Variants in MSRA observed in about 807,000 individuals in gnomAD.
The protein encoded by MSRA is methionine sulfoxide reductase A.
Under a neutral mutation model 31.3 loss-of-function variants are expected in MSRA, and 54 were observed. The observed-to-expected ratio is 1.73, with a 90% CI of 1.39 to 2.17. MSRA has a LOEUF of 2.17. MSRA is among the 30% of genes most tolerant of loss of function. The pLI, the probability that MSRA is intolerant of heterozygous loss-of-function variation, is 0.00. For synonymous variants in MSRA, 169 were observed against 116.5 expected (o/e 1.45, Z -2.90); for missense variants, 507 against 300.9 (o/e 1.69, Z -5.07).
intron 3 of MSRA, chr8:10,250,581 T>G: frequency 1.5e-6 from 1 of 667,578 alleles, no homozygotes; most frequent in Non-Finnish European, 2.7e-6. Flanking sequence ...AGACATTTCC[T>G]TATCAACAGA....
Position 10,301,605 on chromosome 8 carries a change from A to T in MSRA, c.403A>T (p.Lys135Ter). Residue 135 changes from lysine to a stop codon, truncating the protein, a stop_gained, in exon 4 of 6, where the codon AAG becomes TAG. Transcript: ENST00000317173. LOFTEE classifies it high-confidence loss of function. ...ACACATGAGTTTTGAGGAACTGCTC[A>T]AGGTCTTCTGGGAGAATCACGACCC... ...PEHMSFEELL[K>*]VFWENHDPTQ... is the part of the protein sequence containing the mutation. 6.2e-7 allele frequency: 1 copy of T among 1,614,168 alleles called. No individual in the cohort carries two copies. Among genetic ancestry groups the T allele is most frequent in the Non-Finnish European group, 8.5e-7 (1 of 1,180,028 alleles).
intron 5 of MSRA, among the ~76,000 whole-genome samples, chr8:10,355,222 A>C (rs529261813): frequency 6.6e-6 from 1 of 152,212 alleles, no homozygotes; most frequent in Non-Finnish European, 1.5e-5. Flanking sequence ...CCCAGAGGCC[A>C]TGGCAGTTTG....
At chr8:10,289,813 G>A (rs577012105) in intron 3 of MSRA, among the ~76,000 whole-genome samples, 4 of 152,260 alleles carry the variant, frequency 2.6e-5, no homozygotes, top group South Asian at 2.1e-4. Context: ...TTGGAGAGCC[G>A]TCCATGTTGT....
chr8:10,424,745 G>A (rs1370470448), intron 5 of MSRA, among the ~76,000 whole-genome samples: 1 of 152,208 alleles, frequency 6.6e-6, no homozygotes, highest in African/African-American at 2.4e-5. Context: ...CCCCTCCTGG[G>A]TTAGGGGAGG....
intron 3 of MSRA, among the ~76,000 whole-genome samples, chr8:10,292,310 C>T (rs768909573): frequency 1.3e-5 from 2 of 152,180 alleles, no homozygotes; most frequent in Non-Finnish European, 2.9e-5. Context: ...TCCTCCGGCC[C>T]ATACGTCTTT....
chr8:10,174,302 G>A (rs1805847991), intron 1 of MSRA, among the ~76,000 whole-genome samples: 1 of 152,150 alleles, frequency 6.6e-6, no homozygotes, highest in South Asian at 2.1e-4. Context: ...CTGACAGCTA[G>A]AAAAGAGAAG....
At chr8:10,327,117 G>A (rs1367340548) in intron 5 of MSRA, among the ~76,000 whole-genome samples, 5 of 152,112 alleles carry the variant, frequency 3.3e-5, no homozygotes, top group Admixed American at 2.6e-4. Flanking sequence ...GTTTTCCTTT[G>A]TATATATTTT....
intron 5 of MSRA, among the ~76,000 whole-genome samples, chr8:10,341,870 A>G (rs1585527334): frequency 1.3e-5 from 2 of 152,350 alleles, no homozygotes; most frequent in East Asian, 3.9e-4. Context: ...TCAGCTGTTG[A>G]TGAGGAAGGC....
At chr8:10,225,932 C>G (rs1014922839) in intron 2 of MSRA, among the ~76,000 whole-genome samples, 6 of 152,138 alleles carry the variant, frequency 3.9e-5, no homozygotes, top group African/African-American at 1.4e-4. Context: ...GCCAGAAAGA[C>G]GTAAGGTGTA....
At chr8:10,109,933 C>T (rs1800157692) in intron 1 of MSRA, among the ~76,000 whole-genome samples, 1 of 152,140 alleles carries the variant, frequency 6.6e-6, no homozygotes, top group South Asian at 2.1e-4. Context: ...TCAGTTGCCA[C>T]AGTTTTTGGT....
At chr8:10,063,498 C>G (rs1363041285) in intron 1 of MSRA, among the ~76,000 whole-genome samples, 1 of 152,194 alleles carries the variant, frequency 6.6e-6, no homozygotes, top group Non-Finnish European at 1.5e-5. Context: ...TCCTTCCTTG[C>G]AGGTTGCTAT....
At chr8:10,380,640 T>C (rs1806011588) in intron 5 of MSRA, among the ~76,000 whole-genome samples, 4 of 152,238 alleles carry the variant, frequency 2.6e-5, no homozygotes, top group Non-Finnish European at 2.9e-5. Context: ...TTTTTTCATC[T>C]TTATGTCTCT....
chr8:10,396,258 G>C (rs1461840535), intron 5 of MSRA, among the ~76,000 whole-genome samples: 1 of 152,154 alleles, frequency 6.6e-6, no homozygotes, highest in Non-Finnish European at 1.5e-5. Flanking sequence ...CCGTTCTCAG[G>C]TGCACTGTCT....
intron 2 of MSRA, among the ~76,000 whole-genome samples, chr8:10,219,378 G>A (rs1810282009): frequency 6.6e-6 from 1 of 152,184 alleles, no homozygotes; most frequent in South Asian, 2.1e-4. Context: ...GGGGATTCAA[G>A]AAGGGGAGAT....
At chr8:10,355,611 G>C (rs967358689) in intron 5 of MSRA, among the ~76,000 whole-genome samples, 2 of 152,178 alleles carry the variant, frequency 1.3e-5, no homozygotes, top group Admixed American at 6.5e-5. Flanking sequence ...GGGAAGGCCT[G>C]TCCCTCTGTG....
At chr8:10,142,461 C>A (rs1434787817) in intron 1 of MSRA, among the ~76,000 whole-genome samples, 1 of 152,218 alleles carries the variant, frequency 6.6e-6, no homozygotes, top group Admixed American at 6.5e-5. Context: ...CACTGCCCTT[C>A]AGTGGTTTAA....
intron 1 of MSRA, among the ~76,000 whole-genome samples, chr8:10,169,593 A>G (rs1805427602): frequency 6.6e-6 from 1 of 152,360 alleles, no homozygotes. Flanking sequence ...CAAAAACCAG[A>G]AGCCATAAAA....
intron 5 of MSRA, among the ~76,000 whole-genome samples, chr8:10,356,376 A>G (rs1462656601): frequency 6.6e-6 from 1 of 152,212 alleles, no homozygotes; most frequent in Non-Finnish European, 1.5e-5. Context: ...TTGTTACTGC[A>G]TAACTTTGCT....
chr8:10,185,221 G>A (rs1806915925), intron 1 of MSRA, among the ~76,000 whole-genome samples: 1 of 152,134 alleles, frequency 6.6e-6, no homozygotes, highest in Admixed American at 6.5e-5. Context: ...TGTCTGCAAG[G>A]GGCATTTCAT....
Sources: allele counts gnomAD v4.1 joint callset (sites outside exome capture counted in the v4.1 genomes callset), GRCh38; gene constraint gnomAD v4.1.1; transcripts MANE v1.5; gene names NCBI Gene and HGNC (gene_info 2026-07-23, HGNC 2026-07-21).